Variants in ZNF280D observed in about 807,000 individuals in gnomAD.
The protein encoded by ZNF280D is zinc finger protein 280D.
A neutral mutation model predicts 94.7 loss-of-function variants in ZNF280D; 39 were observed. The observed-to-expected ratio is 0.41, with a 90% CI of 0.32 to 0.54. The LOEUF (loss-of-function observed/expected upper bound fraction) is 0.54, where lower values mean the gene tolerates loss of function less well. ZNF280D is among the 20% of genes least tolerant of loss of function. The pLI, the probability that ZNF280D is intolerant of heterozygous loss-of-function variation, is 0.22. For synonymous variants in ZNF280D, 398 were observed against 377.6 expected (o/e 1.05, Z -0.63); for missense variants, 1,090 against 1,149.3 (o/e 0.95, Z 0.75).
At chr15:56,711,515 A>G (rs2057756298) in intron 1 of ZNF280D, among the ~76,000 whole-genome samples, 1 of 152,132 alleles carries the variant, frequency 6.6e-6, no homozygotes, top group Admixed American at 6.5e-5. Flanking sequence ...AAATAAAAAA[A>G]TTAGCCGGGC....
At chr15:56,643,871 C>A (rs1316605874) in intron 19 of ZNF280D, among the ~76,000 whole-genome samples, 1 of 151,608 alleles carries the variant, frequency 6.6e-6, no homozygotes, top group African/African-American at 2.4e-5. Context: ...TAAGCAGCAA[C>A]TATATTATCT....
intron 16 of ZNF280D, among the ~76,000 whole-genome samples, chr15:56,664,798 AGAG>A (rs1425028086): frequency 6.6e-6 from 1 of 152,220 alleles, no homozygotes; most frequent in Non-Finnish European, 1.5e-5. Context: ...GAAGTTCAAA[AGAG>A]AAGAGGTTCA....
At position 56,686,933 on chromosome 15, in the gene ZNF280D, T is replaced by C. The variant is rs375598755; in HGVS notation, c.780+2108A>G. Among the ~76,000 whole-genome samples the C allele has an allele frequency of 3.3e-4, 51 of 152,256 alleles. No homozygotes were observed. In the South Asian group the frequency reaches 7.9e-3, roughly 24 times the overall value. ...TCAGATAAGTATATTTTTCTAATTA[T>C]TGTAGAATATTTGATATTTTAAATA... On this transcript the variant is annotated intron_variant, in intron 9 of 21. Coordinates refer to ENST00000267807, the MANE Select transcript of ZNF280D (RefSeq NM_017661.4).
chr15:56,644,256 G>A (rs1763083613), intron 19 of ZNF280D, among the ~76,000 whole-genome samples: 1 of 151,844 alleles, frequency 6.6e-6, no homozygotes, highest in African/African-American at 2.4e-5. Flanking sequence ...TCATTTTGGG[G>A]GTTAAAGATT....
chr15:56,650,135 AT>A (rs1390137043), intron 19 of ZNF280D, among the ~76,000 whole-genome samples: 3 of 152,198 alleles, frequency 2.0e-5, no homozygotes, highest in East Asian at 3.9e-4. Context: ...CTTTGGTGCT[AT>A]AAACCATGTT....
chr15:56,683,191 T>C (rs2055753450), intron 9 of ZNF280D, among the ~76,000 whole-genome samples: 1 of 152,142 alleles, frequency 6.6e-6, no homozygotes. Context: ...TTAAACAATG[T>C]TTCATATCTC....
chr15:56,691,657 C>G (rs2056429033), intron 7 of ZNF280D, among the ~76,000 whole-genome samples: 1 of 152,102 alleles, frequency 6.6e-6, no homozygotes, highest in South Asian at 2.1e-4. Flanking sequence ...CCAGTTTTCT[C>G]CAAACCCCCA....
Position 56,631,388 on chromosome 15 carries a change from T to C in ZNF280D, c.*110A>G, listed in dbSNP as rs1399736497. ...ATACAGGTAAAGTGTATGTGTGACC[T>C]CCCTTACATATTTCCATTTCTGAAC... On this transcript the variant is annotated 3_prime_UTR_variant, in exon 22 of 22. Transcript: ENST00000267807. The C allele has an allele frequency of 8.8e-6, 10 of 1,134,256 alleles. No homozygotes were observed. Among genetic ancestry groups the C allele is most frequent in the Non-Finnish European group, 1.3e-5 (10 of 788,946 alleles). The allele number at this position is 1,134,256 out of a possible 1,614,324, so 70.3% of individuals were successfully genotyped here. A position where few individuals can be genotyped will look rare whatever the true frequency, so the allele number is the denominator to read the frequency against.
At chr15:56,636,362 G>C (rs1271949179) in intron 20 of ZNF280D, among the ~76,000 whole-genome samples, 2 of 151,980 alleles carry the variant, frequency 1.3e-5, no homozygotes, top group Non-Finnish European at 2.9e-5. Context: ...CTACTATTTA[G>C]TACATAAAAA....
At chr15:56,714,427 A>G (rs1170831848) in intron 1 of ZNF280D, among the ~76,000 whole-genome samples, 1 of 152,248 alleles carries the variant, frequency 6.6e-6, no homozygotes, top group African/African-American at 2.4e-5. Context: ...GATACACCAT[A>G]GTTTTTATTT....
chr15:56,679,807 T>C (rs534097241), intron 10 of ZNF280D, among the ~76,000 whole-genome samples: 1 of 152,218 alleles, frequency 6.6e-6, no homozygotes, highest in Non-Finnish European at 1.5e-5. Context: ...TTCACAAATT[T>C]ACAGCACTAT....
chr15:56,694,420 T>C (rs1050924902), intron 6 of ZNF280D, among the ~76,000 whole-genome samples: 8 of 151,886 alleles, frequency 5.3e-5, no homozygotes, highest in Admixed American at 2.6e-4. Context: ...TGGACCATTC[T>C]ACATGTCATA....
intron 13 of ZNF280D, among the ~76,000 whole-genome samples, chr15:56,674,322 A>G (rs2055069629): frequency 6.6e-6 from 1 of 152,084 alleles, no homozygotes; most frequent in Non-Finnish European, 1.5e-5. Context: ...ATGCATCTCA[A>G]TGCACTAAGG....
At chr15:56,678,953 C>A in intron 10 of ZNF280D, 132 bp from the exon 11 acceptor site, 1 of 814,728 alleles carries the variant, frequency 1.2e-6, no homozygotes, top group Non-Finnish European at 1.7e-6. Context: ...TTAAAGTTGC[C>A]TAGGAAAGTA....
At chr15:56,706,606 T>A (rs1438070028) in intron 3 of ZNF280D, among the ~76,000 whole-genome samples, 1 of 152,138 alleles carries the variant, frequency 6.6e-6, no homozygotes, top group Non-Finnish European at 1.5e-5. Flanking sequence ...CTTGGACTTC[T>A]AGCCTCAAGA....
rs761180718 is a variant in ZNF280D, at chr15:56,693,199, G to A, written c.398C>T (p.Ser133Leu). 1.3e-6 allele frequency: 2 copies of A among 1,586,566 alleles called. No individual in the cohort carries two copies. The highest frequency in any genetic ancestry group is 1.2e-5 in the South Asian group (1 of 84,782). The change falls in exon 7 of 22, where the codon TCA becomes TTA. Residue 133 changes from serine to leucine, a missense_variant. Around this residue, in one of 3 missense-constraint regions of ZNF280D, gnomAD observed 386 missense variants for 372.0 expected, o/e 1.04. Coordinates refer to ENST00000267807, the MANE Select transcript of ZNF280D (RefSeq NM_017661.4). ...TGACTTATTAGACACAACTCGTGAT[G>A]AGTTTGTTATATAACCCTGTTAAAT... Reference protein sequence around the residue: ...PFSKPGYITNSSRVVSNKSSE... With the variant: ...PFSKPGYITNLSRVVSNKSSE...
At chr15:56,688,364 G>A (rs967413995) in intron 9 of ZNF280D, among the ~76,000 whole-genome samples, 4 of 151,712 alleles carry the variant, frequency 2.6e-5, no homozygotes, top group Non-Finnish European at 4.4e-5. Context: ...GGTGGCGGGC[G>A]CCTGTAGTCC....
chr15:56,730,001 G>C (rs1159478682), intron 1 of ZNF280D: 5 of 151,878 alleles, frequency 3.3e-5, no homozygotes, highest in African/African-American at 1.2e-4. Context: ...CTTATTAAAA[G>C]CTCCAATAAG....
rs972549019 is a variant in ZNF280D, at chr15:56,643,949, T to G, written c.2214-952A>C. Among the ~76,000 whole-genome samples, 5 of 151,950 alleles carry G rather than the reference T, an allele frequency of 3.3e-5. No homozygotes were observed. In the East Asian group the frequency reaches 9.6e-4, roughly 29 times the overall value. On this transcript the variant is annotated intron_variant, in intron 19 of 21. Coordinates refer to ENST00000267807, the MANE Select transcript of ZNF280D (RefSeq NM_017661.4). ...ACGTCAACCATCCTAAAAGCTACTC[T>G]CATGGCTAATCAATGAAACAGAGTT...
Sources: allele counts gnomAD v4.1 joint callset (sites outside exome capture counted in the v4.1 genomes callset), GRCh38; gene constraint gnomAD v4.1.1; regional missense constraint gnomAD v4.1.1; transcripts MANE v1.5; gene names NCBI Gene and HGNC (gene_info 2026-07-23, HGNC 2026-07-21).